The following CD274 variants were observed in gnomAD, a reference collection of about 807,000 sequenced individuals.
CD274 encodes the protein programmed cell death 1 ligand 1.
In CD274, 8 loss-of-function variants were observed where a neutral mutation model predicts 30.1. That is an observed-to-expected ratio of 0.27 (90% CI 0.16 to 0.48). CD274 has a LOEUF of 0.48. CD274 is among the 20% of genes least tolerant of loss of function. The pLI, the probability that CD274 is intolerant of heterozygous loss-of-function variation, is 0.99. For missense variants in CD274, 353 were observed against 346.6 expected, an observed-to-expected ratio of 1.02 and a Z score of -0.15; for synonymous variants, 152 against 124.6, an observed-to-expected ratio of 1.22 and a Z score of -1.46.
chr9:5,456,451 T>C (rs538198713), intron 2 of CD274, among the ~76,000 whole-genome samples: 2 of 152,354 alleles, frequency 1.3e-5, no homozygotes, highest in Middle Eastern at 6.8e-3. Context: ...GGAAATGGCC[T>C]GTATGTATAC....
chr9:5,451,330 A>C (rs559257624), intron 1 of CD274, among the ~76,000 whole-genome samples: 1 of 152,334 alleles, frequency 6.6e-6, no homozygotes, highest in African/African-American at 2.4e-5. Flanking sequence ...TAGATTGGGT[A>C]ACTAAATGAA....
chr9:5,460,635 G>C (rs1224684451), intron 3 of CD274, among the ~76,000 whole-genome samples: 5 of 152,152 alleles, frequency 3.3e-5, no homozygotes, highest in Non-Finnish European at 7.4e-5. Flanking sequence ...AAGCAGATTA[G>C]CTCTGAAGTC....
At chr9:5,453,646 T>C (rs1819246956) in intron 1 of CD274, among the ~76,000 whole-genome samples, 1 of 152,254 alleles carries the variant, frequency 6.6e-6, no homozygotes, top group Non-Finnish European at 1.5e-5. Context: ...ATTTATGCCA[T>C]AAGCTTTAAT....
Position 5,456,137 on chromosome 9 carries a change from A to G in CD274, c.24A>G (p.Ile8Met). Residue 8 changes from isoleucine to methionine, a missense_variant, in exon 2 of 7, where the codon ATA becomes ATG. By Grantham distance (10) the Ile-to-Met change is conservative. Coordinates refer to ENST00000381577, the MANE Select transcript of CD274 (RefSeq NM_014143.4). MRIFAVF[I>M]FMTYWHLLNA... ...AGATGAGGATATTTGCTGTCTTTAT[A>G]TTCATGACCTACTGGCATTTGCTGA... The G allele has an allele frequency of 6.2e-7, 1 of 1,609,874 alleles. No individual in the cohort carries two copies. The highest frequency in any genetic ancestry group is 1.7e-5 in the Admixed American group (1 of 59,952).
chr9:5,465,155 C>A (rs1819475675), intron 4 of CD274, among the ~76,000 whole-genome samples: 1 of 151,674 alleles, frequency 6.6e-6, no homozygotes, highest in Admixed American at 6.6e-5. Context: ...AGCAGCCACT[C>A]CATGTGGTAC....
chr9:5,452,131 C>G (rs1399534147), intron 1 of CD274, among the ~76,000 whole-genome samples: 1 of 151,414 alleles, frequency 6.6e-6, no homozygotes, highest in African/African-American at 2.4e-5. Context: ...ATTCTCCTGC[C>G]TCAGCCTCCC....
chr9:5,460,240 C>T (rs1160614925), intron 3 of CD274, among the ~76,000 whole-genome samples: 1 of 152,128 alleles, frequency 6.6e-6, no homozygotes, highest in African/African-American at 2.4e-5. Flanking sequence ...TCATCAGGAA[C>T]TGTTAGCAGC....
chr9:5,460,962 C>CTAA (rs1563804210), intron 3 of CD274, among the ~76,000 whole-genome samples: 4 of 151,992 alleles, frequency 2.6e-5, no homozygotes, highest in African/African-American at 9.7e-5. Flanking sequence ...CTGGTTCAAC[C>CTAA]TAATAGACAT....
chr9:5,468,799 C>T lies in CD274; in HGVS notation c.*937C>T. ...CAGTAAATAGCAGACCTCAGACTGCCACCCACTGTCCTTTTATAATACAAT... is the reference window on the plus strand; with the variant it reads ...CAGTAAATAGCAGACCTCAGACTGCTACCCACTGTCCTTTTATAATACAAT... On this transcript the variant is annotated 3_prime_UTR_variant, in exon 7 of 7. Coordinates refer to ENST00000381577, the MANE Select transcript of CD274 (RefSeq NM_014143.4). The T allele has an allele frequency of 4.3e-6, 1 of 233,068 alleles. No individual in the cohort carries two copies. Among genetic ancestry groups the T allele is most frequent in the Non-Finnish European group, 8.5e-6 (1 of 117,908 alleles). The allele number at this position is 233,068 out of a possible 1,614,324, so 14.4% of individuals were successfully genotyped here.
At chr9:5,454,874 T>C (rs1206405036) in intron 1 of CD274, among the ~76,000 whole-genome samples, 1 of 152,192 alleles carries the variant, frequency 6.6e-6, no homozygotes, top group African/African-American at 2.4e-5. Context: ...TTTCATATCT[T>C]ATATTTTTTA....
rs1819434278 is a variant in CD274 at position 5,463,032 on chromosome 9, G to A, written c.593G>A (p.Arg198Lys). 1 of 1,613,694 alleles carries A rather than the reference G, an allele frequency of 6.2e-7. No individual in the cohort carries two copies. The highest frequency in any genetic ancestry group is 1.3e-5 in the African/African-American group (1 of 75,008). The change falls in exon 4 of 7, where the codon AGA becomes AAA. Residue 198 changes from arginine (R) to lysine (K), a missense_variant. Physicochemically the swap from Arg to Lys is conservative, Grantham distance 26. Transcript: ENST00000381577. ...CTTTTCAATGTGACCAGCACACTGA[G>A]AATCAACACAACAACTAATGAGATT... is the stretch of plus-strand genomic sequence containing the variant. ...EKLFNVTSTL[R>K]INTTTNEIFY...
intron 3 of CD274, among the ~76,000 whole-genome samples, chr9:5,460,824 C>T (rs1486644337): frequency 2.6e-5 from 4 of 152,090 alleles, no homozygotes; most frequent in African/African-American, 7.2e-5. Flanking sequence ...ACATTTTGAA[C>T]TCGTGTGTTT....
At chr9:5,454,361 A>G (rs1004215253) in intron 1 of CD274, among the ~76,000 whole-genome samples, 1 of 152,164 alleles carries the variant, frequency 6.6e-6, no homozygotes, top group African/African-American at 2.4e-5. Flanking sequence ...ATTCCTAAAT[A>G]TAATCACTGT....
chr9:5,457,146 C>T lies in CD274; in HGVS notation c.120C>T (p.Cys40=). 6.2e-7 allele frequency: 1 copy of T among 1,613,954 alleles called. No homozygotes were observed. Among genetic ancestry groups the T allele is most frequent in the Non-Finnish European group, 8.5e-7 (1 of 1,179,816 alleles). Residue 40 remains cysteine (C), a synonymous_variant, in exon 3 of 7, where the codon TGC becomes TGT. Coordinates refer to ENST00000381577, the MANE Select transcript of CD274 (RefSeq NM_014143.4). The part of the protein sequence containing the change: ...VEYGSNMTIE[C]KFPVEKQLDL... Reference sequence around the variant, plus strand: ...ATGGTAGCAATATGACAATTGAATGCAAATTCCCAGTAGAAAAACAATTAG... The same window carrying T: ...ATGGTAGCAATATGACAATTGAATGTAAATTCCCAGTAGAAAAACAATTAG...
At chr9:5,455,167 T>C (rs1819278596) in intron 1 of CD274, among the ~76,000 whole-genome samples, 1 of 152,180 alleles carries the variant, frequency 6.6e-6, no homozygotes, top group Non-Finnish European at 1.5e-5. Flanking sequence ...AGTTTGTAAA[T>C]ATATGTATAA....
intron 1 of CD274, among the ~76,000 whole-genome samples, chr9:5,451,078 A>T (rs1379462642): frequency 6.6e-6 from 1 of 152,214 alleles, no homozygotes; most frequent in Non-Finnish European, 1.5e-5. Flanking sequence ...CCATTCTGAG[A>T]ACCCAAAGGA....
Position 5,457,318 on chromosome 9 carries a change from G to C in CD274, c.292G>C (p.Ala98Pro), listed in dbSNP as rs1333919976. 1 of 1,614,094 alleles carries C rather than the reference G, an allele frequency of 6.2e-7. No individual in the cohort carries two copies. The highest frequency in any genetic ancestry group is 8.5e-7 in the Non-Finnish European group (1 of 1,180,006). ...GGACCAGCTCTCCCTGGGAAATGCT[G>C]CACTTCAGATCACAGATGTGAAATT... Reference protein sequence around the residue: ...LKDQLSLGNAALQITDVKLQD... With the variant: ...LKDQLSLGNAPLQITDVKLQD... The change falls in exon 3 of 7, where the codon GCA (alanine) becomes CCA (proline). Residue 98 changes from alanine (A) to proline (P), a missense_variant. By Grantham distance (27) the Ala-to-Pro change is conservative. Coordinates refer to ENST00000381577, the MANE Select transcript of CD274 (RefSeq NM_014143.4).
intron 1 of CD274, among the ~76,000 whole-genome samples, chr9:5,454,418 T>C (rs1323966166): frequency 6.6e-6 from 1 of 152,170 alleles, no homozygotes; most frequent in African/African-American, 2.4e-5. Context: ...ACACACTTTT[T>C]TTTTTCAGCA....
At chr9:5,464,973 G>A (rs1343376775) in intron 4 of CD274, among the ~76,000 whole-genome samples, 4 of 151,854 alleles carry the variant, frequency 2.6e-5, no homozygotes, top group Non-Finnish European at 5.9e-5. Flanking sequence ...TGTAATCCCA[G>A]CTACTCGGGA....
Sources: gnomAD v4.1 joint callset for allele counts (sites outside exome capture counted in the v4.1 genomes callset) on GRCh38, gnomAD v4.1.1 for gene constraint, MANE v1.5 for transcripts, NCBI Gene and HGNC (gene_info 2026-07-23, HGNC 2026-07-21) for gene names.